Variants in ZFR2 observed in about 807,000 individuals in gnomAD.
ZFR2 encodes zinc finger RNA binding protein 2.
Under a neutral mutation model 105.7 loss-of-function variants are expected in ZFR2, and 104 were observed. That is an observed-to-expected ratio of 0.98 (90% CI 0.84 to 1.16). The LOEUF is 1.16. Among genes scored for constraint, ZFR2 ranks in the 50% most tolerant of loss-of-function variants. The pLI, the probability that ZFR2 is intolerant of heterozygous loss-of-function variation, is 0.00. For missense variants in ZFR2, 1,425 were observed against 1,355.5 expected (o/e 1.05, Z -0.80); for synonymous variants, 634 against 597.7 (o/e 1.06, Z -0.89).
chr19:3,849,691 G>A (rs2038216386), intron 1 of ZFR2, among the ~76,000 whole-genome samples: 1 of 152,244 alleles, frequency 6.6e-6, no homozygotes, highest in Admixed American at 6.5e-5. Flanking sequence ...TCCCCAGGAT[G>A]TTGTAGGCTG....
chr19:3,856,829 C>G (rs1352179406), intron 1 of ZFR2: 1 of 152,194 alleles, frequency 6.6e-6, no homozygotes, highest in East Asian at 1.9e-4. Context: ...CTCCCTGGTT[C>G]AAGCGATTCT....
chr19:3,819,060 T>G lies in ZFR2; in HGVS notation c.1916A>C (p.Glu639Ala). The G allele has an allele frequency of 6.2e-7, 1 of 1,612,378 alleles. No individual in the cohort carries two copies. ...CTCCAATGACCTGCGCTTGTCACCC[T>G]CTTCCTCTCGGCGGCCCCGGTCCTC... ...AEEDRGRREE[E>A]GDKRSSVAPQ... The change falls in exon 12 of 19, where the codon GAG becomes GCG. Residue 639 changes from glutamate (E) to alanine (A), a missense_variant. By Grantham distance (107) the Glu-to-Ala change is moderately radical. Coordinates refer to ENST00000262961, the MANE Select transcript of ZFR2 (RefSeq NM_015174.2).
chr19:3,814,009 T>A, intron 13 of ZFR2, 51 bp from the exon 14 acceptor site: 1 of 1,606,434 alleles, frequency 6.2e-7, no homozygotes, highest in Non-Finnish European at 8.5e-7. Flanking sequence ...CCCAGATTCA[T>A]GTGTAAATCA....
Position 3,813,833 on chromosome 19 carries a change from G to T in ZFR2, c.2229C>A (p.Pro743=). ...GCTGGGCCGCACCTGGGTCTGTGGAGGGGTCCTCCCGCATCAGAGGTGAGG... is the reference window on the plus strand; with the variant it reads ...GCTGGGCCGCACCTGGGTCTGTGGATGGGTCCTCCCGCATCAGAGGTGAGG... ...SVTSPLMRED[P]STDPGVEEPQ... is the part of the protein sequence containing the mutation. Residue 743 remains proline, a synonymous_variant, in exon 14 of 19, where the codon CCC becomes CCA. Transcript: ENST00000262961. This position sits in a 1 kb window ranked among gnomAD's most constrained non-coding sequence, Gnocchi z 4.4. 1 of 1,613,854 alleles carries T rather than the reference G, an allele frequency of 6.2e-7. No homozygotes were observed. The highest frequency in any genetic ancestry group is 8.5e-7 in the Non-Finnish European group (1 of 1,179,868).
chr19:3,812,416 G>A (rs556242703), intron 14 of ZFR2, among the ~76,000 whole-genome samples: 31 of 152,212 alleles, frequency 2.0e-4, no homozygotes, highest in Non-Finnish European at 3.2e-4. Flanking sequence ...TCCCCACCAC[G>A]CTGGGCCTGG....
chr19:3,863,103 G>A (rs2038390895), intron 1 of ZFR2, among the ~76,000 whole-genome samples: 1 of 152,256 alleles, frequency 6.6e-6, no homozygotes, highest in Non-Finnish European at 1.5e-5. Context: ...GGTTGGCCTT[G>A]GTGGGTGGGG....
intron 13 of ZFR2, among the ~76,000 whole-genome samples, chr19:3,815,878 A>AGTAGTCT (rs1450667165): frequency 2.0e-5 from 3 of 150,822 alleles, no homozygotes; most frequent in Non-Finnish European, 4.4e-5. Context: ...CAGCCTCCCG[A>AGTAGTCT]GTAGCTGAGA....
chr19:3,812,825 T>C (rs998272455), intron 14 of ZFR2, among the ~76,000 whole-genome samples: 2 of 152,136 alleles, frequency 1.3e-5, no homozygotes, highest in Admixed American at 6.6e-5. Context: ...ATGCCTGTAA[T>C]CCCAGCACTT....
At chr19:3,807,846 TGC>T (rs1474579707) in intron 17 of ZFR2, among the ~76,000 whole-genome samples, 3 of 150,262 alleles carry the variant, frequency 2.0e-5, no homozygotes, top group African/African-American at 7.4e-5. Flanking sequence ...TCCATGTGTG[TGC>T]CCGTGTGTGT....
chr19:3,849,902 C>T (rs1160356184), intron 1 of ZFR2, among the ~76,000 whole-genome samples: 2 of 152,222 alleles, frequency 1.3e-5, no homozygotes, highest in African/African-American at 4.8e-5. Flanking sequence ...CAGGTCTCAG[C>T]ATCCCTGCTG....
Position 3,825,362 on chromosome 19 carries a change from C to A in ZFR2, c.1081G>T (p.Glu361Ter). 6.3e-7 allele frequency: 1 copy of A among 1,591,418 alleles called. No individual in the cohort carries two copies. The highest frequency in any genetic ancestry group is 2.3e-5 in the East Asian group (1 of 43,818). Residue 361 changes from glutamate (E) to a stop codon, truncating the protein, a stop_gained, in exon 7 of 19, where the codon GAG (glutamate) becomes TAG (stop). Coordinates refer to ENST00000262961, the MANE Select transcript of ZFR2 (RefSeq NM_015174.2). LOFTEE classifies it high-confidence loss of function. The part of the protein sequence containing the change: ...AKLGKPIPTL[E>*]PALATESPPG... ...GGGCTCTCTGTGGCCAGTGCAGGCT[C>A]GAGGGTGGGAATGGGCTTCCCCAGT...
rs982659009 is a variant in ZFR2, at chr19:3,815,309, C to A, written c.2104-1351G>T. ...TTTACTATGATGGCCAAGCTGGTCT[C>A]GAACTCCGGACCTCAGGTGATCCAC... On this transcript the variant is annotated intron_variant, in intron 13 of 18. Coordinates refer to ENST00000262961, the MANE Select transcript of ZFR2 (RefSeq NM_015174.2). Among the ~76,000 whole-genome samples, 4 of 152,176 alleles carry A rather than the reference C, an allele frequency of 2.6e-5. 1 individual carries two copies. The highest frequency in any genetic ancestry group is 9.7e-5 in the African/African-American group (4 of 41,432).
chr19:3,865,872 CCT>C (rs2038421510), intron 1 of ZFR2, among the ~76,000 whole-genome samples: 1 of 151,328 alleles, frequency 6.6e-6, no homozygotes, highest in Non-Finnish European at 1.5e-5. Flanking sequence ...ACAGTCTCAC[CCT>C]GTCGCCCAGG....
At chr19:3,855,644 C>T (rs1457671295) in intron 1 of ZFR2, 10 of 403,880 alleles carry the variant, frequency 2.5e-5, no homozygotes, top group Non-Finnish European at 4.3e-5. Context: ...AAGGACGCGG[C>T]AAGGGGGTGT....
At chr19:3,835,113 C>T (rs76462573) in intron 1 of ZFR2, 130 bp from the exon 2 acceptor site, 2 of 1,044,638 alleles carry the variant, frequency 1.9e-6, no homozygotes, top group Non-Finnish European at 2.9e-6. Flanking sequence ...CTCCTAGGAG[C>T]CCAGGCACGG....
intron 16 of ZFR2, among the ~76,000 whole-genome samples, chr19:3,810,365 G>T (rs530409546): frequency 1.3e-5 from 2 of 152,318 alleles, no homozygotes; most frequent in East Asian, 3.9e-4. Flanking sequence ...GAGCCACAGG[G>T]GGTCTCCCCT....
chr19:3,846,022 G>A (rs1162034480), intron 1 of ZFR2, among the ~76,000 whole-genome samples: 2 of 152,206 alleles, frequency 1.3e-5, no homozygotes, highest in Admixed American at 1.3e-4. Flanking sequence ...TGTCGCCAAG[G>A]CTGGAGTGCA....
At chr19:3,852,641 G>A in intron 1 of ZFR2, 3 of 716,856 alleles carry the variant, frequency 4.2e-6, no homozygotes, top group South Asian at 3.0e-5. Context: ...GACATGGTGG[G>A]AAGGGCATGG....
rs762872120 is a variant in ZFR2 at position 3,827,490 on chromosome 19, C to T, written c.1016G>A (p.Arg339Gln). 1.1e-5 allele frequency: 17 copies of T among 1,551,016 alleles called. No individual in the cohort carries two copies. The highest frequency in any genetic ancestry group is 1.1e-4 in the South Asian group (9 of 84,260). Residue 339 changes from arginine (R) to glutamine (Q), a missense_variant, in exon 6 of 19, where the codon CGG becomes CAG. By Grantham distance (43) the Arg-to-Gln change is conservative. Transcript: ENST00000262961. ...TGADAYAAHI[R>Q]GSKHQKVFKL... ...CCGTACCTTCTGGTGCTTGGATCCC[C>T]GGATGTGGGCCGCGTAGGCGTCCGC...
Sources: allele counts gnomAD v4.1 joint callset (sites outside exome capture counted in the v4.1 genomes callset), GRCh38; gene constraint gnomAD v4.1.1; non-coding constraint Gnocchi (gnomAD v3.1); transcripts MANE v1.5; gene names NCBI Gene and HGNC (gene_info 2026-07-23, HGNC 2026-07-21).